Variants in HMGXB4 observed in about 807,000 individuals in gnomAD.
The protein encoded by HMGXB4 is HMG domain-containing protein 4.
In HMGXB4, 27 loss-of-function variants were observed where a neutral mutation model predicts 63.9. That is an observed-to-expected ratio of 0.42 (90% CI 0.31 to 0.58). HMGXB4 has a LOEUF of 0.58. HMGXB4 is among the 20% of genes least tolerant of loss of function. The pLI, the probability that HMGXB4 is intolerant of heterozygous loss-of-function variation, is 0.13. For missense variants in HMGXB4, 624 were observed against 700.7 expected (o/e 0.89, Z 1.24); for synonymous variants, 264 against 265.3 (o/e 0.99, Z 0.05).
chr22:35,273,843 G>A (rs1340959722), intron 5 of HMGXB4, among the ~76,000 whole-genome samples: 4 of 152,226 alleles, frequency 2.6e-5, no homozygotes, highest in Non-Finnish European at 4.4e-5. Context: ...CCAGTGAGAT[G>A]AGTCCTGTGA....
rs780581813 is a variant in HMGXB4, at chr22:35,295,058, T to G, written c.*1407T>G. On this transcript the variant is annotated 3_prime_UTR_variant, in exon 11 of 11. Transcript: ENST00000216106. ...GTTTCCCAGTTGGAAAGAAGACAGT[T>G]GAGCACTTCAGGATGGTTTTTAAAT... 6 of 152,212 alleles carry G rather than the reference T, an allele frequency of 3.9e-5. No individual in the cohort carries two copies. Among genetic ancestry groups the G allele is most frequent in the Non-Finnish European group, 8.8e-5 (6 of 68,042 alleles). 9.4% of individuals were successfully genotyped at this position (152,212 alleles called of 1,614,324 possible). A position where few individuals can be genotyped will look rare whatever the true frequency, so the allele number is the denominator to read the frequency against.
At chr22:35,271,201 G>T (rs970256355) in intron 5 of HMGXB4, among the ~76,000 whole-genome samples, 3 of 152,018 alleles carry the variant, frequency 2.0e-5, no homozygotes, top group African/African-American at 7.2e-5. Context: ...TTCACAACCA[G>T]CTGGGCAATA....
At chr22:35,245,188 T>C in the HMGXB4 span, among the ~76,000 whole-genome samples, 1 of 152,114 alleles carries the variant, frequency 6.6e-6, no homozygotes, top group Admixed American at 6.6e-5. Context: ...GGTTATTTTC[T>C]AATATTCCGT....
chr22:35,242,744 GTATTCATTTAGTGTTATA>G, the HMGXB4 span, among the ~76,000 whole-genome samples: 1 of 152,092 alleles, frequency 6.6e-6, no homozygotes, highest in East Asian at 1.9e-4. Flanking sequence ...CTTTTCTAAT[GTATTCATTTAGTGTTATA>G]TATTTCCCTC....
At position 35,295,124 on chromosome 22, in the gene HMGXB4, CT is replaced by C. The variant is rs68156677; in HGVS notation, c.*1474del. The C allele has an allele frequency of 0.51, 77,888 of 151,980 alleles. 22,810 individuals are homozygous for C. Among genetic ancestry groups the C allele is most frequent in the Non-Finnish European group, 0.65 (44,227 of 67,932 alleles). 9.4% of individuals were successfully genotyped at this position (151,980 alleles called of 1,614,324 possible). On this transcript the variant is annotated 3_prime_UTR_variant, in exon 11 of 11. Transcript: ENST00000216106. ...CTGCCAACACCAAGCTCTGAGTTAA[CT>C]GTGCTTTCTTCTCCTGGCCCTGACA...
upstream of HMGXB4, among the ~76,000 whole-genome samples, chr22:35,254,993 GC>G (rs1425811241): frequency 6.6e-6 from 1 of 152,138 alleles, no homozygotes; most frequent in Non-Finnish European, 1.5e-5. Context: ...TACCTAACAT[GC>G]ACTCACCCTT....
At chr22:35,287,086 C>T (rs1178778241) in intron 7 of HMGXB4, 2 of 358,786 alleles carry the variant, frequency 5.6e-6, no homozygotes, top group African/African-American at 4.1e-5. Context: ...TTTTACATTT[C>T]AACTTAGAGT....
intron 3 of HMGXB4, 72 bp from the exon 4 acceptor site, chr22:35,263,724 C>T: frequency 9.9e-7 from 1 of 1,012,472 alleles, no homozygotes; most frequent in Non-Finnish European, 1.6e-6. Flanking sequence ...CAAAAATCAT[C>T]AAAGACAAGA....
the HMGXB4 span, among the ~76,000 whole-genome samples, chr22:35,244,666 T>C: frequency 6.6e-6 from 1 of 152,224 alleles, no homozygotes; most frequent in Non-Finnish European, 1.5e-5. Context: ...CACAGGTTAC[T>C]TCCTCCTTTC....
intron 7 of HMGXB4, among the ~76,000 whole-genome samples, chr22:35,286,536 G>C (rs1424063182): frequency 6.6e-6 from 1 of 152,130 alleles, no homozygotes; most frequent in Non-Finnish European, 1.5e-5. Context: ...CTATCAAGAA[G>C]GTAGTAAGAC....
At chr22:35,287,692 T>TA (rs1263762378) in intron 8 of HMGXB4, among the ~76,000 whole-genome samples, 1 of 151,972 alleles carries the variant, frequency 6.6e-6, no homozygotes, top group African/African-American at 2.4e-5. Flanking sequence ...CTCATGCCTG[T>TA]AATCCTAGCA....
At chr22:35,254,527 G>A (rs1922310621), upstream of HMGXB4, among the ~76,000 whole-genome samples, 1 of 152,186 alleles carries the variant, frequency 6.6e-6, no homozygotes, top group African/African-American at 2.4e-5. Flanking sequence ...AGAACAAGCT[G>A]TTCCTACCCA....
intron 5 of HMGXB4, among the ~76,000 whole-genome samples, chr22:35,268,034 A>G (rs775066511): frequency 7.2e-5 from 11 of 152,366 alleles, no homozygotes; most frequent in African/African-American, 2.6e-4. Context: ...CAGTGAGCCA[A>G]GATCACGCCA....
In HMGXB4 at chr22:35,265,466, T is replaced by A. The variant is rs774159141; in HGVS notation, c.1078T>A (p.Ser360Thr). 3 of 1,613,972 alleles carry A rather than the reference T, an allele frequency of 1.9e-6. No individual in the cohort carries two copies. The South Asian group carries it at 3.3e-5, about 18-fold the overall frequency. Residue 360 changes from serine to threonine, a missense_variant, in exon 5 of 11, where the codon TCT becomes ACT. Around this residue, in one of 2 missense-constraint regions of HMGXB4, gnomAD observed 472 missense variants for 470.6 expected, o/e 1.00. Transcript: ENST00000216106. ...GCCAGTGGGAGAGGTCACAGTGACA[T>A]CTGGCCCTCCTCCCAGCATCCCATA... is the stretch of plus-strand genomic sequence containing the variant. ...AVPVGEVTVTSGPPPSIPYAG... is the reference protein window; with the variant it reads ...AVPVGEVTVTTGPPPSIPYAG...
chr22:35,258,460 A>T (rs927361375), intron 1 of HMGXB4: 5 of 152,198 alleles, frequency 3.3e-5, no homozygotes, highest in Admixed American at 2.0e-4. Flanking sequence ...TGCTGGTCTT[A>T]TGGAATGTGT....
chr22:35,283,720 G>A (rs1040714359), intron 5 of HMGXB4, among the ~76,000 whole-genome samples: 3 of 152,176 alleles, frequency 2.0e-5, no homozygotes, highest in Non-Finnish European at 2.9e-5. Flanking sequence ...AACCCAGGAG[G>A]CGGAAGTTAT....
At chr22:35,276,189 A>C (rs1002836340) in intron 5 of HMGXB4, among the ~76,000 whole-genome samples, 1 of 152,200 alleles carries the variant, frequency 6.6e-6, no homozygotes, top group Non-Finnish European at 1.5e-5. Context: ...TCAGCACGTG[A>C]GGCGAACAGT....
intron 1 of HMGXB4, among the ~76,000 whole-genome samples, chr22:35,259,631 C>T (rs1922710144): frequency 6.6e-6 from 1 of 152,134 alleles, no homozygotes; most frequent in African/African-American, 2.4e-5. Flanking sequence ...AAAACTAAAC[C>T]CTGAGCTGCA....
chr22:35,281,862 G>A (rs1313358778), intron 5 of HMGXB4, among the ~76,000 whole-genome samples: 2 of 152,142 alleles, frequency 1.3e-5, no homozygotes, highest in Admixed American at 6.5e-5. Flanking sequence ...CAGTTACCTT[G>A]GAAGGTGTTC....
Sources: gnomAD v4.1 joint callset for allele counts (sites outside exome capture counted in the v4.1 genomes callset) on GRCh38, gnomAD v4.1.1 for gene constraint, gnomAD v4.1.1 regional missense constraint, MANE v1.5 for transcripts, NCBI Gene and HGNC (gene_info 2026-07-23, HGNC 2026-07-21) for gene names.